Variants in KAZN observed in about 807,000 individuals in gnomAD.
KAZN encodes the protein kazrin.
In KAZN, 40 loss-of-function variants were observed where a neutral mutation model predicts 87.4. That is an observed-to-expected ratio of 0.46 (90% CI 0.36 to 0.60). The LOEUF (loss-of-function observed/expected upper bound fraction) is 0.60, where lower values mean the gene tolerates loss of function less well. KAZN is among the 20% of genes least tolerant of loss of function. The pLI, the probability that KAZN is intolerant of heterozygous loss-of-function variation, is 0.00. For synonymous variants in KAZN, 466 were observed against 458.3 expected (o/e 1.02, Z -0.22); for missense variants, 898 against 1,073.9 (o/e 0.84, Z 2.29).
chr1:14,450,716 C>T (rs1254743020), intron 2 of KAZN, among the ~76,000 whole-genome samples: 1 of 152,150 alleles, frequency 6.6e-6, no homozygotes, highest in East Asian at 1.9e-4. Context: ...GTTTTACAAA[C>T]CCCGGACATC....
At chr1:14,398,354 G>C (rs531675182) in intron 2 of KAZN, among the ~76,000 whole-genome samples, 1 of 152,300 alleles carries the variant, frequency 6.6e-6, no homozygotes, top group East Asian at 1.9e-4. Flanking sequence ...CTGTGATTTT[G>C]GGCAAGGCAC....
chr1:14,806,664 C>A (rs1272059792), intron 1 of KAZN, among the ~76,000 whole-genome samples: 1 of 152,136 alleles, frequency 6.6e-6, no homozygotes, highest in Non-Finnish European at 1.5e-5. Flanking sequence ...TTTAATTATT[C>A]ATTGATCTGT....
chr1:14,513,463 T>C (rs1316779369), intron 2 of KAZN, among the ~76,000 whole-genome samples: 1 of 152,192 alleles, frequency 6.6e-6, no homozygotes, highest in Non-Finnish European at 1.5e-5. Context: ...GCTTGTGTTA[T>C]GTGTACGAGT....
At chr1:13,980,658 A>G (rs1199591397) in intron 1 of KAZN, among the ~76,000 whole-genome samples, 1 of 152,208 alleles carries the variant, frequency 6.6e-6, no homozygotes, top group Non-Finnish European at 1.5e-5. Context: ...AAGTAGATAC[A>G]TGAACAATCA....
At chr1:14,683,719 G>T (rs936012624) in intron 1 of KAZN, among the ~76,000 whole-genome samples, 4 of 152,182 alleles carry the variant, frequency 2.6e-5, no homozygotes, top group South Asian at 2.1e-4. Flanking sequence ...CTCAGGAAAG[G>T]TTCCCAAACT....
chr1:14,176,826 A>G (rs2100291016), intron 1 of KAZN, among the ~76,000 whole-genome samples: 1 of 152,314 alleles, frequency 6.6e-6, no homozygotes, highest in East Asian at 1.9e-4. Context: ...TCTTTAACAC[A>G]GTCTACCTTC....
At chr1:14,442,789 C>T (rs1236017784) in intron 2 of KAZN, among the ~76,000 whole-genome samples, 1 of 152,216 alleles carries the variant, frequency 6.6e-6, no homozygotes, top group Admixed American at 6.5e-5. Context: ...GTACCTAAAA[C>T]TGAGCACCGA....
chr1:14,550,656 C>T (rs1673440922), intron 2 of KAZN, among the ~76,000 whole-genome samples: 2 of 149,812 alleles, frequency 1.3e-5, no homozygotes, highest in African/African-American at 2.5e-5. Flanking sequence ...AGTTAATTAG[C>T]AGCAGACAAA....
chr1:14,216,406 G>A (rs1032015728), intron 2 of KAZN, among the ~76,000 whole-genome samples: 3 of 152,172 alleles, frequency 2.0e-5, no homozygotes, highest in African/African-American at 7.2e-5. Flanking sequence ...AGGACAAACT[G>A]TTGAGAGCAG....
intron 1 of KAZN, among the ~76,000 whole-genome samples, chr1:13,939,112 C>T (rs533201344): frequency 6.6e-6 from 1 of 152,346 alleles, no homozygotes; most frequent in South Asian, 2.1e-4. Context: ...ATGCTAATAT[C>T]TCTAGCAAGT....
At chr1:14,869,653 G>A (rs768985744) in intron 1 of KAZN, among the ~76,000 whole-genome samples, 7 of 152,188 alleles carry the variant, frequency 4.6e-5, no homozygotes, top group African/African-American at 1.4e-4. Context: ...GATTGGGTTC[G>A]AGGGGTTGAA....
chr1:14,737,613 T>C (rs528535803), intron 1 of KAZN, among the ~76,000 whole-genome samples: 1 of 152,352 alleles, frequency 6.6e-6, no homozygotes, highest in East Asian at 1.9e-4. Context: ...TGGCCATGGC[T>C]GAACTGGGCT....
intron 1 of KAZN, among the ~76,000 whole-genome samples, chr1:14,016,596 C>T (rs377605854): frequency 6.6e-6 from 1 of 152,188 alleles, no homozygotes; most frequent in East Asian, 1.9e-4. Context: ...CAGAATATCT[C>T]GGAGGCTCAC....
chr1:14,551,557 A>G (rs1357105151), intron 2 of KAZN, among the ~76,000 whole-genome samples: 1 of 152,332 alleles, frequency 6.6e-6, no homozygotes, highest in South Asian at 2.1e-4. Context: ...ACAAAGCACC[A>G]CTATATCAAC....
intron 2 of KAZN, among the ~76,000 whole-genome samples, chr1:14,469,158 C>A (rs1668315326): frequency 6.6e-6 from 1 of 152,140 alleles, no homozygotes; most frequent in Admixed American, 6.5e-5. Flanking sequence ...CACTCAGAAT[C>A]TCAGCCATAA....
intron 2 of KAZN, among the ~76,000 whole-genome samples, chr1:14,413,827 A>T (rs1321353104): frequency 6.6e-6 from 1 of 152,224 alleles, no homozygotes; most frequent in Middle Eastern, 3.2e-3. Context: ...TGGAATATAC[A>T]AAAGTTATAT....
intron 2 of KAZN, among the ~76,000 whole-genome samples, chr1:14,426,905 C>T (rs1043211172): frequency 6.6e-6 from 1 of 152,220 alleles, no homozygotes; most frequent in Non-Finnish European, 1.5e-5. Context: ...TTCCCTTTCA[C>T]ATCCTTGGAT....
chr1:14,261,712 A>C (rs548241377), intron 2 of KAZN, among the ~76,000 whole-genome samples: 2 of 152,274 alleles, frequency 1.3e-5, no homozygotes, highest in South Asian at 4.2e-4. Flanking sequence ...ATTGGTATTC[A>C]TCTTGGAAAG....
intron 2 of KAZN, among the ~76,000 whole-genome samples, chr1:14,547,003 G>A (rs1465163474): frequency 6.6e-6 from 1 of 152,162 alleles, no homozygotes; most frequent in African/African-American, 2.4e-5. Flanking sequence ...TATATTTACT[G>A]AGTGAGCTGG....
Sources: gnomAD v4.1 joint callset for allele counts (sites outside exome capture counted in the v4.1 genomes callset) on GRCh38, gnomAD v4.1.1 for gene constraint, MANE v1.5 for transcripts, NCBI Gene and HGNC (gene_info 2026-07-23, HGNC 2026-07-21) for gene names.